BEST3: variants seen among roughly 807,000 people sequenced by gnomAD.
BEST3 encodes the protein bestrophin-3.
In BEST3, 50 loss-of-function variants were observed where a neutral mutation model predicts 47.1. The ratio of observed to expected loss-of-function variants is 1.06; its 90% CI spans 0.85 to 1.34. The LOEUF is 1.34. Ranked by LOEUF, BEST3 falls within the 40% of genes most tolerant of loss-of-function variation. The pLI is 0.00. For synonymous variants in BEST3, 282 were observed against 298.8 expected (o/e 0.94, Z 0.58); for missense variants, 765 against 817.0 (o/e 0.94, Z 0.78).
At position 69,677,395 on chromosome 12, in the gene BEST3, A is replaced by G. The variant is rs1002528550; in HGVS notation, c.637-138T>C. On this transcript the variant is annotated intron_variant, in intron 5 of 9. Coordinates refer to ENST00000330891, the MANE Select transcript of BEST3 (RefSeq NM_032735.3). ...TAAACTGATTCCCAAGGATACTCCA[A>G]AAGGAAAGTTCTAAAAATGACAATC... 4 of 747,418 alleles carry G rather than the reference A, an allele frequency of 5.4e-6. No homozygotes were observed. In the African/African-American group the frequency reaches 7.0e-5, roughly 13 times the overall value. The allele number at this position is 747,418 out of a possible 1,614,324, so 46.3% of individuals were successfully genotyped here.
chr12:69,680,574 T>C (rs1271430632), intron 4 of BEST3, among the ~76,000 whole-genome samples: 2 of 152,118 alleles, frequency 1.3e-5, no homozygotes, highest in African/African-American at 2.4e-5. Context: ...CCCAAATTGC[T>C]GGGATTACAG....
At chr12:69,643,936 C>A in intron 9 of BEST3, 1 of 490,768 alleles carries the variant, frequency 2.0e-6, no homozygotes, top group South Asian at 3.3e-5. Context: ...GGTCCCAGAA[C>A]CTAAAAACCT....
At chr12:69,688,706 A>C (rs181917184) in intron 4 of BEST3, among the ~76,000 whole-genome samples, 1 of 152,110 alleles carries the variant, frequency 6.6e-6, no homozygotes, top group Non-Finnish European at 1.5e-5. Context: ...GCCAGCACTG[A>C]ATCTATGGAG....
chr12:69,671,189 G>A (rs1470946172), intron 9 of BEST3, among the ~76,000 whole-genome samples: 6 of 152,084 alleles, frequency 3.9e-5, no homozygotes, highest in Non-Finnish European at 5.9e-5. Flanking sequence ...TCTTGAGACA[G>A]GGCTTCACTT....
intron 9 of BEST3, among the ~76,000 whole-genome samples, chr12:69,670,831 C>T (rs1565829829): frequency 6.6e-6 from 1 of 152,050 alleles, no homozygotes; most frequent in Admixed American, 6.6e-5. Flanking sequence ...TTAGTCTGTG[C>T]TTTTCTCTTT....
chr12:69,663,770 G>A (rs1460008741), intron 9 of BEST3, among the ~76,000 whole-genome samples: 1 of 152,164 alleles, frequency 6.6e-6, no homozygotes, highest in African/African-American at 2.4e-5. Context: ...GCAGTGAGCT[G>A]TGATTGCACC....
rs184706050 is a variant in BEST3, at chr12:69,676,795, T to A, written c.867+121A>T. The A allele has an allele frequency of 2.1e-5, 23 of 1,086,378 alleles. No homozygotes were observed. In the East Asian group the frequency reaches 4.8e-4, roughly 22 times the overall value. 67.3% of individuals were successfully genotyped at this position (1,086,378 alleles called of 1,614,324 possible). On this transcript the variant is annotated intron_variant, in intron 7 of 9. Transcript: ENST00000330891. ...AAAAGTAATAACATTGCTGAGCCAT[T>A]ACATGTTAAATCTACCTTTGACTCA... is the stretch of plus-strand genomic sequence containing the variant.
intron 9 of BEST3, among the ~76,000 whole-genome samples, chr12:69,656,609 G>A (rs1883517295): frequency 6.6e-6 from 1 of 151,904 alleles, no homozygotes; most frequent in African/African-American, 2.4e-5. Context: ...AGATGAGTTG[G>A]TATTAGTATT....
chr12:69,644,353 T>G (rs1030867663), intron 9 of BEST3, among the ~76,000 whole-genome samples: 8 of 152,242 alleles, frequency 5.3e-5, no homozygotes, highest in Non-Finnish European at 1.0e-4. Flanking sequence ...TAAGTAATTG[T>G]TATAACTTTA....
At chr12:69,651,829 GAGA>G (rs1481962558), downstream of BEST3, among the ~76,000 whole-genome samples, 1 of 151,264 alleles carries the variant, frequency 6.6e-6, no homozygotes, top group Non-Finnish European at 1.5e-5. Context: ...GATTTTTCTG[GAGA>G]AGAAGGAAGC....
chr12:69,685,945 C>T (rs978316131), intron 4 of BEST3, among the ~76,000 whole-genome samples: 18 of 152,228 alleles, frequency 1.2e-4, no homozygotes, highest in African/African-American at 3.6e-4. Context: ...CACTTTCTCT[C>T]ATGTGCAGAG....
In BEST3 at chr12:69,677,004, G is replaced by T; in HGVS notation, c.779C>A (p.Pro260His). 1 of 1,614,110 alleles carries T rather than the reference G, an allele frequency of 6.2e-7. No individual in the cohort carries two copies. ...GTCATGCCCTGCGTAGCCTTTGGTG[G>T]GATCCAAAAACTGGCGTCCAATCAG... is the stretch of plus-strand genomic sequence containing the variant. ...ACLIGRQFLD[P>H]TKGYAGHDLD... The change falls in exon 7 of 10, where the codon CCC (proline) becomes CAC (histidine). Residue 260 changes from proline (P) to histidine (H), a missense_variant. By Grantham distance (77) the Pro-to-His change is moderately conservative. Transcript: ENST00000330891.
At chr12:69,684,429 A>G (rs1171730602) in intron 4 of BEST3, 1 of 468,362 alleles carries the variant, frequency 2.1e-6, no homozygotes, top group Non-Finnish European at 4.0e-6. Flanking sequence ...GATAGACAAA[A>G]TTCCAGTCAT....
intron 9 of BEST3, among the ~76,000 whole-genome samples, chr12:69,658,144 C>T (rs1883630960): frequency 6.6e-6 from 1 of 152,184 alleles, no homozygotes; most frequent in Admixed American, 6.5e-5. Context: ...CTATATAGGA[C>T]AGGCGTCTGT....
intron 9 of BEST3, among the ~76,000 whole-genome samples, chr12:69,645,136 A>C (rs1056235380): frequency 6.6e-6 from 1 of 152,194 alleles, no homozygotes; most frequent in Non-Finnish European, 1.5e-5. Flanking sequence ...GGGATGGCCA[A>C]TTGAATTACA....
At chr12:69,657,236 C>T (rs1260220083) in intron 9 of BEST3, among the ~76,000 whole-genome samples, 3 of 151,990 alleles carry the variant, frequency 2.0e-5, no homozygotes, top group Non-Finnish European at 4.4e-5. Flanking sequence ...GCTGGGATTA[C>T]AGGTGGGTGC....
chr12:69,677,164 GA>G lies in BEST3; in HGVS notation c.714+15del. ...GGCAAGTAGAAATAAAGAATTCCAT[GA>G]AAAGTATTTCTTACCTGGGTGTAAA... On this transcript the variant is annotated intron_variant, in intron 6 of 9. Transcript: ENST00000330891. 2 of 1,613,440 alleles carry G rather than the reference GA, an allele frequency of 1.2e-6. No individual in the cohort carries two copies. Among genetic ancestry groups the G allele is most frequent in the Non-Finnish European group, 1.7e-6 (2 of 1,179,496 alleles).
intron 4 of BEST3, chr12:69,684,338 G>A: frequency 2.4e-6 from 1 of 419,304 alleles, no homozygotes; most frequent in South Asian, 8.8e-5. Flanking sequence ...TCCCAATTGA[G>A]TTGTGGTTTG....
chr12:69,691,427 A>G (rs1565843264), intron 4 of BEST3, among the ~76,000 whole-genome samples: 1 of 152,178 alleles, frequency 6.6e-6, no homozygotes, highest in South Asian at 2.1e-4. Context: ...GTTCTTAATC[A>G]TTGTGAAATT....
Sources: gnomAD v4.1 joint callset for allele counts (sites outside exome capture counted in the v4.1 genomes callset) on GRCh38, gnomAD v4.1.1 for gene constraint, MANE v1.5 for transcripts, NCBI Gene and HGNC (gene_info 2026-07-23, HGNC 2026-07-21) for gene names.